Variants in FOXN2 observed in about 807,000 individuals in gnomAD.
FOXN2 encodes forkhead box N2, also known as forkhead box protein N2.
Under a neutral mutation model 41.2 loss-of-function variants are expected in FOXN2, and 19 were observed. The ratio of observed to expected loss-of-function variants is 0.46; its 90% CI spans 0.32 to 0.68. The LOEUF is 0.68. FOXN2 is among the 30% of genes least tolerant of loss of function. The pLI is 0.03. For missense variants in FOXN2, 587 were observed against 509.4 expected (o/e 1.15, Z -1.47); for synonymous variants, 195 against 176.8 (o/e 1.10, Z -0.82).
intron 3 of FOXN2, among the ~76,000 whole-genome samples, chr2:48,352,583 G>A (rs1461409567): frequency 1.3e-5 from 2 of 152,116 alleles, no homozygotes; most frequent in Non-Finnish European, 2.9e-5. Flanking sequence ...CTAAAGCCCA[G>A]ACGTAAATTT....
At chr2:48,332,356 G>A (rs1048213460) in intron 2 of FOXN2, among the ~76,000 whole-genome samples, 1 of 152,126 alleles carries the variant, frequency 6.6e-6, no homozygotes, top group Non-Finnish European at 1.5e-5. Flanking sequence ...AGTACTTTTG[G>A]ATTAAACTAC....
At position 48,316,120 on chromosome 2, in the gene FOXN2, A is replaced by C. The variant is rs143332170; in HGVS notation, c.-157+1306A>C. Among the ~76,000 whole-genome samples the C allele has an allele frequency of 4.6e-5, 7 of 151,670 alleles. No homozygotes were observed. In the South Asian group the frequency reaches 1.0e-3, roughly 23 times the overall value. The stretch of plus-strand genomic sequence containing the variant: ...CTTTGTAACTGTGCTGTCGCCTCGC[A>C]TGTACATTTATCTTGGTGGGAGAAG... On this transcript the variant is annotated intron_variant, in intron 1 of 6. Transcript: ENST00000340553.
At chr2:48,346,164 T>TA in intron 2 of FOXN2, 37 bp from the exon 3 acceptor site, 1 of 1,501,906 alleles carries the variant, frequency 6.7e-7, no homozygotes, top group South Asian at 1.3e-5. Context: ...TTTAAGAATC[T>TA]AAAGTATTAC....
intron 4 of FOXN2, among the ~76,000 whole-genome samples, chr2:48,361,238 CA>C (rs1290643882): frequency 4.0e-5 from 6 of 151,786 alleles, no homozygotes; most frequent in African/African-American, 1.5e-4. Context: ...AGGCCGAGGC[CA>C]GTGGATCACC....
rs552592461 is a variant in FOXN2 at position 48,323,063 on chromosome 2, A to G, written c.-156-5498A>G. On this transcript the variant is annotated intron_variant, in intron 1 of 6. Transcript: ENST00000340553. ...ACATTCAAGGGTATTATGAGAACAC[A>G]GAGTAGGAGCTTACTTTCCCCAAAG... 5.3e-5 allele frequency among the ~76,000 whole-genome samples: 8 copies of G among 152,214 alleles called. No homozygotes were observed. The South Asian group carries it at 6.2e-4, about 12-fold the overall frequency.
rs1670882907 is a variant in FOXN2 at position 48,343,161 on chromosome 2, C to T, written c.-14-3040C>T. ...CAGAAATTTGAATATTGAACTTAGC[C>T]TCGTTTATAATTTTGGCTCCACTTT... is the stretch of plus-strand genomic sequence containing the variant. On this transcript the variant is annotated intron_variant, in intron 2 of 6. Coordinates refer to ENST00000340553, the MANE Select transcript of FOXN2 (RefSeq NM_002158.4). Among the ~76,000 whole-genome samples the T allele has an allele frequency of 2.0e-5, 3 of 152,278 alleles. No individual in the cohort carries two copies. The South Asian group carries it at 6.2e-4, about 32-fold the overall frequency.
At chr2:48,317,497 C>A (rs1313665587) in intron 1 of FOXN2, among the ~76,000 whole-genome samples, 1 of 145,596 alleles carries the variant, frequency 6.9e-6, no homozygotes, top group Non-Finnish European at 1.5e-5. Context: ...AGATTTGATG[C>A]TTTGGGAAAC....
At chr2:48,315,410 G>C (rs1225360539) in intron 1 of FOXN2, among the ~76,000 whole-genome samples, 1 of 152,122 alleles carries the variant, frequency 6.6e-6, no homozygotes, top group Non-Finnish European at 1.5e-5. Flanking sequence ...GGTGTGTGTG[G>C]GAGCGACCCC....
At chr2:48,327,176 G>T (rs1669732020) in intron 1 of FOXN2, among the ~76,000 whole-genome samples, 1 of 151,438 alleles carries the variant, frequency 6.6e-6, no homozygotes, top group South Asian at 2.1e-4. Flanking sequence ...AATTCAACAG[G>T]TTTTTAAAAC....
intron 2 of FOXN2, among the ~76,000 whole-genome samples, chr2:48,343,965 A>G (rs891201799): frequency 3.3e-5 from 5 of 152,182 alleles, no homozygotes; most frequent in African/African-American, 4.8e-5. Context: ...TGGAAGATAG[A>G]TGGAGATTTA....
chr2:48,317,595 CTTTTTTTTTTTTTTTTTT>C (rs574980247), intron 1 of FOXN2, among the ~76,000 whole-genome samples: 44 of 34,746 alleles, frequency 1.3e-3, no homozygotes, highest in African/African-American at 3.5e-3. Flanking sequence ...TATAGTATTG[CTTTTTTTTTTTTTTTTTT>C]TTTTTTTTTT....
At position 48,346,647 on chromosome 2, in the gene FOXN2, C is replaced by A; in HGVS notation, c.433C>A (p.His145Asn). ...AGAAATTTATAGCTGGATTCTGGACCATTTTCCATATTTTGCTACTGCACC... is the reference window on the plus strand; with the variant it reads ...AGAAATTTATAGCTGGATTCTGGACAATTTTCCATATTTTGCTACTGCACC... ...VKEIYSWILDHFPYFATAPTG... is the reference protein window; with the variant it reads ...VKEIYSWILDNFPYFATAPTG... Residue 145 changes from histidine (H) to asparagine (N), a missense_variant, in exon 3 of 7, where the codon CAT (histidine) becomes AAT (asparagine). By Grantham distance (68) the His-to-Asn change is moderately conservative (BLOSUM62 1). Transcript: ENST00000340553. 6.2e-7 allele frequency: 1 copy of A among 1,614,108 alleles called. No individual in the cohort carries two copies. The highest frequency in any genetic ancestry group is 8.5e-7 in the Non-Finnish European group (1 of 1,179,988).
intron 4 of FOXN2, 24 bp from the exon 5 acceptor site, chr2:48,362,619 T>A (rs1188650979): frequency 6.2e-7 from 1 of 1,604,760 alleles, no homozygotes; most frequent in South Asian, 1.1e-5. Flanking sequence ...TATAAGCATA[T>A]TTGCTTTTCT....
intron 1 of FOXN2, among the ~76,000 whole-genome samples, chr2:48,327,930 C>G (rs1669786377): frequency 6.6e-6 from 1 of 151,898 alleles, no homozygotes; most frequent in Non-Finnish European, 1.5e-5. Context: ...GTAGAGAGTC[C>G]TAAGTTTTAC....
In FOXN2 at chr2:48,373,381, TA is replaced by T. The variant is rs763012082; in HGVS notation, c.772+30del. 1.1e-4 allele frequency: 160 copies of T among 1,463,994 alleles called. 1 individual carries two copies. Among genetic ancestry groups the T allele is most frequent in the Admixed American group, 1.3e-4 (6 of 46,032 alleles). The allele number at this position is 1,463,994 out of a possible 1,614,324, so 90.7% of individuals were successfully genotyped here. On this transcript the variant is annotated intron_variant, in intron 6 of 6. Transcript: ENST00000340553. ...AGAATGTAAGTAATCATGCCTTTTT[TA>T]AAAAAAAATTTTAGTGCCTTTTCAA... is the stretch of plus-strand genomic sequence containing the variant.
intron 2 of FOXN2, among the ~76,000 whole-genome samples, chr2:48,335,173 A>G (rs76335197): frequency 0.038 from 5,851 of 152,334 alleles, 172 homozygotes; most frequent in Non-Finnish European, 0.054. Flanking sequence ...ACGTTTTGGA[A>G]TTATCAGATG....
At chr2:48,319,744 G>T (rs1177942636) in intron 1 of FOXN2, among the ~76,000 whole-genome samples, 1 of 148,194 alleles carries the variant, frequency 6.7e-6, no homozygotes, top group Non-Finnish European at 1.5e-5. Context: ...CCAAGTAGCT[G>T]GGACCACAGG....
At chr2:48,330,209 G>A (rs1412792779) in intron 2 of FOXN2, among the ~76,000 whole-genome samples, 1 of 152,030 alleles carries the variant, frequency 6.6e-6, no homozygotes, top group African/African-American at 2.4e-5. Context: ...AAAATACAAT[G>A]CTGTGGCTTC....
At chr2:48,326,978 C>T (rs1219082019) in intron 1 of FOXN2, among the ~76,000 whole-genome samples, 1 of 152,032 alleles carries the variant, frequency 6.6e-6, no homozygotes, top group Non-Finnish European at 1.5e-5. Context: ...TTGGAGTGGT[C>T]TGGATGAAAG....
Sources: allele counts gnomAD v4.1 joint callset (sites outside exome capture counted in the v4.1 genomes callset), GRCh38; gene constraint gnomAD v4.1.1; transcripts MANE v1.5; gene names NCBI Gene and HGNC (gene_info 2026-07-23, HGNC 2026-07-21).